NEURL1: variants seen among roughly 807,000 people sequenced by gnomAD.
The protein encoded by NEURL1 is E3 ubiquitin-protein ligase NEURL1.
Under a neutral mutation model 41.2 loss-of-function variants are expected in NEURL1, and 26 were observed. The ratio of observed to expected loss-of-function variants is 0.63; its 90% CI spans 0.46 to 0.87. The LOEUF is 0.87. Among genes scored for constraint, NEURL1 ranks in the 40% least tolerant of loss-of-function variants. The probability of loss-of-function intolerance (pLI) is 0.00; values close to 1 mark genes in which losing one functional copy is unlikely to be tolerated. For synonymous variants in NEURL1, 400 were observed against 402.3 expected, an observed-to-expected ratio of 0.99 and a Z score of 0.07; for missense variants, 761 against 871.1, an observed-to-expected ratio of 0.87 and a Z score of 1.59.
In NEURL1 at chr10:103,567,715, C is replaced by T. The variant is rs17115724; in HGVS notation, c.86-3157C>T. On this transcript the variant is annotated intron_variant, in intron 1 of 5. Transcript: ENST00000369780. ...CACCTGGCCTCTTAATGCTTAATGG[C>T]CAATAACAAAGGCCTTGCAGTCAGA... Among the ~76,000 whole-genome samples the T allele has an allele frequency of 7.7e-3, 1,178 of 152,266 alleles. 15 individuals carry two copies. The highest frequency in any genetic ancestry group is 0.025 in the African/African-American group (1,024 of 41,552).
intron 1 of NEURL1, among the ~76,000 whole-genome samples, chr10:103,509,480 G>C (rs1174495084): frequency 6.6e-6 from 1 of 152,082 alleles, no homozygotes; most frequent in Non-Finnish European, 1.5e-5. Flanking sequence ...GTAACACAAG[G>C]GTAAGTATTT....
intron 1 of NEURL1, among the ~76,000 whole-genome samples, chr10:103,560,422 T>C (rs893684116): frequency 2.0e-5 from 3 of 152,194 alleles, no homozygotes; most frequent in Non-Finnish European, 4.4e-5. Flanking sequence ...GTATAACCTC[T>C]GGCTGCTAGA....
chr10:103,557,288 T>G (rs892227174), intron 1 of NEURL1, among the ~76,000 whole-genome samples: 1 of 151,988 alleles, frequency 6.6e-6, no homozygotes, highest in African/African-American at 2.4e-5. Context: ...AAGATTATTG[T>G]GAGGATTACA....
At chr10:103,541,427 T>G (rs2034818569) in intron 1 of NEURL1, among the ~76,000 whole-genome samples, 1 of 152,100 alleles carries the variant, frequency 6.6e-6, no homozygotes, top group African/African-American at 2.4e-5. Context: ...TATCAGACTA[T>G]AGTGCAATTC....
intron 1 of NEURL1, among the ~76,000 whole-genome samples, chr10:103,528,171 C>T (rs1039656891): frequency 6.6e-6 from 1 of 152,128 alleles, no homozygotes; most frequent in Non-Finnish European, 1.5e-5. Flanking sequence ...GCCTGGCCAA[C>T]CTGGTGAAAC....
At chr10:103,554,976 A>G (rs2035113590) in intron 1 of NEURL1, among the ~76,000 whole-genome samples, 1 of 151,706 alleles carries the variant, frequency 6.6e-6, no homozygotes, top group South Asian at 2.1e-4. Flanking sequence ...TGTGATGGGG[A>G]TGTGTGTGCG....
chr10:103,579,150 T>C (rs1021441976), intron 3 of NEURL1, among the ~76,000 whole-genome samples: 3 of 152,212 alleles, frequency 2.0e-5, no homozygotes, highest in Non-Finnish European at 4.4e-5. Flanking sequence ...GGTGGCTTTC[T>C]GGGCAACAGC....
intron 3 of NEURL1, among the ~76,000 whole-genome samples, chr10:103,579,232 G>C (rs1370107534): frequency 6.6e-6 from 1 of 152,212 alleles, no homozygotes; most frequent in East Asian, 1.9e-4. Context: ...TTTGCTAACA[G>C]TTTTCTCACC....
At chr10:103,559,923 A>G (rs1035263043) in intron 1 of NEURL1, among the ~76,000 whole-genome samples, 1 of 151,728 alleles carries the variant, frequency 6.6e-6, no homozygotes, top group Non-Finnish European at 1.5e-5. Context: ...ACACATGCAC[A>G]CACATATTAC....
intron 1 of NEURL1, among the ~76,000 whole-genome samples, chr10:103,535,557 G>T (rs891303885): frequency 6.6e-6 from 1 of 152,172 alleles, no homozygotes; most frequent in Non-Finnish European, 1.5e-5. Context: ...TTAGGCACTG[G>T]GGTGAGTGAC....
At chr10:103,539,989 G>A (rs1007447255) in intron 1 of NEURL1, among the ~76,000 whole-genome samples, 5 of 152,170 alleles carry the variant, frequency 3.3e-5, no homozygotes, top group Admixed American at 6.5e-5. Context: ...GGAAGATGGC[G>A]TAGAAAGATG....
chr10:103,531,094 C>T (rs541283449), intron 1 of NEURL1, among the ~76,000 whole-genome samples: 159 of 151,780 alleles, frequency 1.0e-3, no homozygotes, highest in African/African-American at 3.8e-3. Flanking sequence ...GTGGTGTGTG[C>T]GTGTAATCCC....
At chr10:103,555,847 C>T (rs772244216) in intron 1 of NEURL1, among the ~76,000 whole-genome samples, 4 of 152,216 alleles carry the variant, frequency 2.6e-5, no homozygotes, top group African/African-American at 7.2e-5. Flanking sequence ...ACCTGCTTGT[C>T]GGCTCTGGGA....
At chr10:103,527,615 G>A (rs774272571) in intron 1 of NEURL1, among the ~76,000 whole-genome samples, 1 of 152,020 alleles carries the variant, frequency 6.6e-6, no homozygotes. Flanking sequence ...CGTTTCATCA[G>A]CAGGGTCTTC....
chr10:103,579,113 C>A (rs2035731864), intron 3 of NEURL1, among the ~76,000 whole-genome samples: 1 of 152,238 alleles, frequency 6.6e-6, no homozygotes, highest in South Asian at 2.1e-4. Context: ...GGTTACCCTG[C>A]ACTGCTGGCA....
At chr10:103,522,334 A>C (rs1243906012) in intron 1 of NEURL1, among the ~76,000 whole-genome samples, 2 of 151,398 alleles carry the variant, frequency 1.3e-5, no homozygotes, top group Non-Finnish European at 2.9e-5. Context: ...CTTGCCAGGG[A>C]TGGTGGCTCA....
At position 103,571,671 on chromosome 10, in the gene NEURL1, C is replaced by T. The variant is rs1020947374; in HGVS notation, c.498C>T (p.Asn166=). ...CTGAGGAGTTTGCCAATGAGGGCAA[C>T]ATCATCGCATTCTGGGTGGACAAGA... ...ALPEEFANEG[N]IIAFWVDKKG... The change falls in exon 3 of 6, where the codon AAC becomes AAT. Residue 166 remains asparagine, a synonymous_variant. Coordinates refer to ENST00000369780, the MANE Select transcript of NEURL1 (RefSeq NM_004210.5). 6 of 1,614,136 alleles carry T rather than the reference C, an allele frequency of 3.7e-6. No individual in the cohort carries two copies. Among genetic ancestry groups the T allele is most frequent in the African/African-American group, 2.7e-5 (2 of 74,954 alleles).
chr10:103,528,139 T>G (rs945513817), intron 1 of NEURL1, among the ~76,000 whole-genome samples: 1 of 152,154 alleles, frequency 6.6e-6, no homozygotes, highest in East Asian at 1.9e-4. Context: ...GTGGATCACC[T>G]GAGGTCAGGA....
chr10:103,571,430 G>A (rs1166445669), intron 2 of NEURL1, 71 bp from the exon 3 acceptor site: 4 of 1,460,754 alleles, frequency 2.7e-6, no homozygotes, highest in African/African-American at 2.8e-5. Flanking sequence ...GGAGTCCACC[G>A]CAGGGAGGCT....
Sources: allele counts gnomAD v4.1 joint callset (sites outside exome capture counted in the v4.1 genomes callset), GRCh38; gene constraint gnomAD v4.1.1; transcripts MANE v1.5; gene names NCBI Gene and HGNC (gene_info 2026-07-23, HGNC 2026-07-21).